Variants in NDUFAF6 observed in about 807,000 individuals in gnomAD.
NDUFAF6 encodes NADH dehydrogenase (ubiquinone) complex I, assembly factor 6.
A neutral mutation model predicts 40.8 loss-of-function variants in NDUFAF6; 45 were observed. The observed-to-expected ratio is 1.10, with a 90% CI of 0.87 to 1.42. NDUFAF6 has a LOEUF of 1.42. Ranked by LOEUF, NDUFAF6 falls within the 40% of genes most tolerant of loss-of-function variation. The probability of loss-of-function intolerance (pLI) is 0.00; values close to 1 mark genes in which losing one functional copy is unlikely to be tolerated. For missense variants in NDUFAF6, 435 were observed against 418.5 expected, an observed-to-expected ratio of 1.04 and a Z score of -0.34; for synonymous variants, 185 against 155.9, an observed-to-expected ratio of 1.19 and a Z score of -1.39.
intron 2 of NDUFAF6, among the ~76,000 whole-genome samples, chr8:95,009,837 G>A (rs370952483): frequency 5.3e-5 from 8 of 152,262 alleles, no homozygotes; most frequent in South Asian, 2.1e-4. Context: ...CAGAATACTC[G>A]TTTGAATGTC....
intron 1 of NDUFAF6, among the ~76,000 whole-genome samples, chr8:94,912,709 A>T (rs1411131817): frequency 6.6e-6 from 1 of 151,754 alleles, no homozygotes; most frequent in African/African-American, 2.4e-5. Context: ...GCTACTCGGG[A>T]GGCTGAGGCA....
chr8:94,910,444 C>T (rs1479325563), intron 1 of NDUFAF6, among the ~76,000 whole-genome samples: 2 of 152,162 alleles, frequency 1.3e-5, no homozygotes, highest in Middle Eastern at 3.2e-3. Context: ...TGAGCCACCG[C>T]GCCTGGCCTG....
At chr8:94,956,735 G>A (rs1035116443), upstream of NDUFAF6, among the ~76,000 whole-genome samples, 3 of 152,126 alleles carry the variant, frequency 2.0e-5, no homozygotes, top group African/African-American at 7.2e-5. Flanking sequence ...CAGTGGAGGG[G>A]GAGGTAAATG....
At chr8:94,972,883 G>A (rs58314911) in intron 1 of NDUFAF6, among the ~76,000 whole-genome samples, 19,904 of 151,958 alleles carry the variant, frequency 0.13, 1,635 homozygotes, top group Middle Eastern at 0.23. Context: ...GGACGACAGA[G>A]CAAGACACTG....
chr8:95,013,753 A>T (rs1827323236), intron 2 of NDUFAF6, among the ~76,000 whole-genome samples: 1 of 152,224 alleles, frequency 6.6e-6, no homozygotes, highest in South Asian at 2.1e-4. Flanking sequence ...CAAAGAAAAA[A>T]ATAGGGCAGC....
intron 1 of NDUFAF6, among the ~76,000 whole-genome samples, chr8:94,935,358 T>C (rs1266109619): frequency 6.6e-6 from 1 of 152,152 alleles, no homozygotes; most frequent in East Asian, 1.9e-4. Context: ...CAGTGTGACT[T>C]TCAGCTAATT....
chr8:94,958,096 C>G (rs1352240554), exon 1 of NDUFAF6: 1 of 152,386 alleles, frequency 6.6e-6, no homozygotes, highest in Non-Finnish European at 1.5e-5. Flanking sequence ...ACAGGCAGTT[C>G]GTGAGGAGTG....
intron 1 of NDUFAF6, among the ~76,000 whole-genome samples, chr8:94,959,365 G>C (rs1823362806): frequency 6.6e-6 from 1 of 152,172 alleles, no homozygotes; most frequent in South Asian, 2.1e-4. Flanking sequence ...GCTTGAAGAG[G>C]AGGAAGGAGG....
intron 2 of NDUFAF6, among the ~76,000 whole-genome samples, chr8:94,947,030 G>A (rs1323872158): frequency 1.3e-5 from 2 of 152,020 alleles, no homozygotes; most frequent in African/African-American, 2.4e-5. Context: ...TGTATGTAAC[G>A]GGGCCTTGAA....
At chr8:95,052,472 C>T (rs1277553111) in intron 8 of NDUFAF6, among the ~76,000 whole-genome samples, 2 of 152,160 alleles carry the variant, frequency 1.3e-5, no homozygotes, top group Non-Finnish European at 2.9e-5. Flanking sequence ...TGGCTTGAAT[C>T]TGTTTTGCCC....
chr8:95,080,222 T>C (rs531957779), downstream of NDUFAF6, among the ~76,000 whole-genome samples: 78 of 150,640 alleles, frequency 5.2e-4, no homozygotes, highest in African/African-American at 1.9e-3. Flanking sequence ...ATTTTTGTAG[T>C]GTATTTTTTG....
chr8:95,049,672 C>T (rs1831213439), intron 7 of NDUFAF6, among the ~76,000 whole-genome samples: 1 of 152,130 alleles, frequency 6.6e-6, no homozygotes, highest in Non-Finnish European at 1.5e-5. Flanking sequence ...CCCCTGTACC[C>T]CACCTCCACT....
At chr8:95,007,620 T>C (rs940641922) in intron 2 of NDUFAF6, among the ~76,000 whole-genome samples, 3 of 148,976 alleles carry the variant, frequency 2.0e-5, no homozygotes, top group Non-Finnish European at 4.4e-5. Flanking sequence ...GCCATGACCA[T>C]GCCACTGCAC....
intron 9 of NDUFAF6, among the ~76,000 whole-genome samples, chr8:95,070,322 C>T (rs983791801): frequency 2.6e-5 from 4 of 152,094 alleles, no homozygotes; most frequent in African/African-American, 4.8e-5. Flanking sequence ...TGTAAAGTGC[C>T]GAAAATAGTG....
At chr8:95,077,835 G>A (rs1159618787), downstream of NDUFAF6, among the ~76,000 whole-genome samples, 1 of 152,112 alleles carries the variant, frequency 6.6e-6, no homozygotes, top group Non-Finnish European at 1.5e-5. Context: ...TTAGGCATGG[G>A]TGGGCTTGCT....
rs547058923 is a variant in NDUFAF6, at chr8:95,100,909, G to T, written n.136-223G>T. On this transcript the variant is annotated intron_variant and non_coding_transcript_variant, in intron 1 of 2. Coordinates refer to the NDUFAF6 transcript ENST00000521063. Reference sequence around the variant, plus strand: ...CCCTCCCGACCCCCCTCGCCCCAAGGTTACCGTAAAAAGCGGGAATAGAAT... The same window carrying T: ...CCCTCCCGACCCCCCTCGCCCCAAGTTTACCGTAAAAAGCGGGAATAGAAT... Among the ~76,000 whole-genome samples, 7 of 152,194 alleles carry T rather than the reference G, an allele frequency of 4.6e-5. 1 individual carries two copies. Among genetic ancestry groups the T allele is most frequent in the Middle Eastern group, 3.4e-3 (1 of 294 alleles).
intron 9 of NDUFAF6, among the ~76,000 whole-genome samples, chr8:95,065,013 G>A (rs1175515736): frequency 6.6e-6 from 1 of 152,200 alleles, no homozygotes; most frequent in Non-Finnish European, 1.5e-5. Flanking sequence ...GGAGGTTCCT[G>A]GAGGGTGGAG....
At chr8:94,903,598 T>G (rs1372712584) in intron 1 of NDUFAF6, among the ~76,000 whole-genome samples, 1 of 152,208 alleles carries the variant, frequency 6.6e-6, no homozygotes, top group African/African-American at 2.4e-5. Flanking sequence ...AAAGTAGCCA[T>G]CAATTTCAGG....
chr8:94,907,527 T>A (rs892108911), intron 1 of NDUFAF6, among the ~76,000 whole-genome samples: 12 of 152,204 alleles, frequency 7.9e-5, no homozygotes, highest in Admixed American at 7.2e-4. Context: ...CATAACAGTT[T>A]ACCATAGCTG....
Sources: allele counts gnomAD v4.1 joint callset (sites outside exome capture counted in the v4.1 genomes callset), GRCh38; gene constraint gnomAD v4.1.1; transcripts MANE v1.5; gene names NCBI Gene and HGNC (gene_info 2026-07-23, HGNC 2026-07-21).